The following OCLN variants were observed in gnomAD, a reference collection of about 807,000 sequenced individuals.
The protein encoded by OCLN is phosphatase 1, regulatory subunit 115.
OCLN carries 21 observed loss-of-function variants against 47.9 expected under a neutral mutation model. That is an observed-to-expected ratio of 0.44 (90% CI 0.31 to 0.63). OCLN has a LOEUF of 0.63. Among genes scored for constraint, OCLN ranks in the 30% least tolerant of loss-of-function variants. OCLN has a pLI of 0.08. For synonymous variants in OCLN, 117 were observed against 198.4 expected (o/e 0.59, Z 3.45); for missense variants, 360 against 571.0 (o/e 0.63, Z 3.77).
In OCLN at chr5:69,509,686, C is replaced by G. The variant is rs1444811507; in HGVS notation, c.596C>G (p.Pro199Arg). 6.2e-7 allele frequency: 1 copy of G among 1,614,010 alleles called. No homozygotes were observed. Among genetic ancestry groups the G allele is most frequent in the African/African-American group, 1.3e-5 (1 of 74,926 alleles). The change falls in exon 3 of 9, where the codon CCA becomes CGA. Residue 199 changes from proline (P) to arginine (R), a missense_variant. Pro to Arg is a moderately radical substitution (Grantham distance 103). This residue lies in a region of OCLN where 314 missense variants were observed against 368.1 expected (regional missense o/e 0.85). Transcript: ENST00000396442. The stretch of plus-strand genomic sequence containing the variant: ...ATTGTCTATATAATGGGAGTGAACC[C>G]AACTGCTCAGTCTTCTGGATCTCTA... ...ATIVYIMGVN[P>R]TAQSSGSLYG...
chr5:69,507,947 A>G (rs1444234057), intron 2 of OCLN, among the ~76,000 whole-genome samples: 1 of 152,218 alleles, frequency 6.6e-6, no homozygotes, highest in Non-Finnish European at 1.5e-5. Context: ...TTAATCTTGT[A>G]TATCTAAAAC....
At chr5:69,529,608 G>A (rs1343618501) in intron 4 of OCLN, among the ~76,000 whole-genome samples, 1 of 151,836 alleles carries the variant, frequency 6.6e-6, no homozygotes, top group Non-Finnish European at 1.5e-5. Flanking sequence ...GAGTTACTTT[G>A]TTGTTTTTTT....
intron 5 of OCLN, among the ~76,000 whole-genome samples, chr5:69,535,846 C>T (rs1396750407): frequency 1.3e-5 from 2 of 152,090 alleles, no homozygotes; most frequent in Non-Finnish European, 1.5e-5. Context: ...TACATCTTGG[C>T]GGGGGCGGTG....
intron 4 of OCLN, among the ~76,000 whole-genome samples, chr5:69,526,864 C>T (rs1769294468): frequency 6.6e-6 from 1 of 152,142 alleles, no homozygotes; most frequent in South Asian, 2.1e-4. Context: ...TATGAATATC[C>T]GTGAATGGGG....
At chr5:69,549,997 A>ATCC in intron 7 of OCLN, among the ~76,000 whole-genome samples, 1 of 149,356 alleles carries the variant, frequency 6.7e-6, no homozygotes, top group South Asian at 2.1e-4. Context: ...TTTTATATCA[A>ATCC]TAATAAAGAC....
At chr5:69,494,967 A>G (rs1437118603) in intron 1 of OCLN, among the ~76,000 whole-genome samples, 1 of 152,180 alleles carries the variant, frequency 6.6e-6, no homozygotes, top group Non-Finnish European at 1.5e-5. Flanking sequence ...ACCATTGACT[A>G]GTAACTGTAG....
At chr5:69,511,882 G>A (rs1354049435) in intron 3 of OCLN, among the ~76,000 whole-genome samples, 1 of 151,996 alleles carries the variant, frequency 6.6e-6, no homozygotes, top group African/African-American at 2.4e-5. Flanking sequence ...AAAATTACCT[G>A]GACACGGTGG....
intron 4 of OCLN, among the ~76,000 whole-genome samples, chr5:69,533,174 C>G (rs1769494824): frequency 6.6e-6 from 1 of 151,042 alleles, no homozygotes; most frequent in Non-Finnish European, 1.5e-5. Context: ...GTTGGCTGTG[C>G]TTTTTATGTT....
At position 69,493,656 on chromosome 5, in the gene OCLN, G is replaced by A. The variant is rs1254097090; in HGVS notation, c.-69+756G>A. Among the ~76,000 whole-genome samples the A allele has an allele frequency of 6.6e-6, 1 of 152,158 alleles. No individual in the cohort carries two copies. The highest frequency in any genetic ancestry group is 1.5e-5 in the Non-Finnish European group (1 of 68,008). ...GGGGGCGGAACTGCCTCCGGGCGGT[G>A]CCTGCCCGGCGAACGTGGGCGCGCG... On this transcript the variant is annotated intron_variant, in intron 1 of 8. Coordinates refer to ENST00000396442, the MANE Select transcript of OCLN (RefSeq NM_001205254.2). The surrounding 1 kb of genome is among the most constrained non-coding windows in gnomAD (Gnocchi z 5.3).
intron 4 of OCLN, among the ~76,000 whole-genome samples, chr5:69,517,316 T>TATATA (rs1561341135): frequency 1.8e-4 from 6 of 33,044 alleles, no homozygotes; most frequent in Admixed American, 1.1e-3. Flanking sequence ...ATATATATAT[T>TATATA]TTTTTTTTTT....
chr5:69,536,586 A>G (rs1769592178), intron 5 of OCLN, among the ~76,000 whole-genome samples: 1 of 140,454 alleles, frequency 7.1e-6, no homozygotes, highest in African/African-American at 2.7e-5. Flanking sequence ...CAGGAGAATC[A>G]CTTGAACCTG....
intron 4 of OCLN, among the ~76,000 whole-genome samples, chr5:69,521,131 C>A (rs1769127260): frequency 6.6e-6 from 1 of 152,198 alleles, no homozygotes; most frequent in Admixed American, 6.5e-5. Context: ...GCCACCGTGC[C>A]TAGCCAATTT....
At chr5:69,501,909 G>C (rs1416478962) in intron 1 of OCLN, among the ~76,000 whole-genome samples, 1 of 151,784 alleles carries the variant, frequency 6.6e-6, no homozygotes, top group East Asian at 1.9e-4. Flanking sequence ...ATAGAAGAGA[G>C]TTGCCAGGTG....
intron 4 of OCLN, among the ~76,000 whole-genome samples, chr5:69,526,123 C>G (rs1769271689): frequency 6.6e-6 from 1 of 152,136 alleles, no homozygotes. Flanking sequence ...AACAGAATCA[C>G]CTGGAGGGCT....
intron 4 of OCLN, among the ~76,000 whole-genome samples, chr5:69,530,326 T>G (rs1313817912): frequency 1.6e-4 from 25 of 152,230 alleles, no homozygotes; most frequent in Admixed American, 1.6e-3. Context: ...TAATAGGAAA[T>G]ACAGGTTGGG....
intron 1 of OCLN, among the ~76,000 whole-genome samples, chr5:69,501,210 C>T (rs1327004487): frequency 6.6e-6 from 1 of 152,248 alleles, no homozygotes; most frequent in African/African-American, 2.4e-5. Context: ...GCCACCTCAC[C>T]TGGCCTAAAT....
At chr5:69,512,045 A>AT (rs1768805416) in intron 3 of OCLN, among the ~76,000 whole-genome samples, 1 of 151,564 alleles carries the variant, frequency 6.6e-6, no homozygotes, top group Non-Finnish European at 1.5e-5. Context: ...AAAAAAAAAA[A>AT]TTTTTAGTTT....
rs532688581 is a variant in OCLN at position 69,514,345 on chromosome 5, G to T, written c.891+236G>T. Among the ~76,000 whole-genome samples, 3 of 151,962 alleles carry T rather than the reference G, an allele frequency of 2.0e-5. No homozygotes were observed. The East Asian group carries it at 5.8e-4, about 29-fold the overall frequency. On this transcript the variant is annotated intron_variant, in intron 4 of 8. Coordinates refer to ENST00000396442, the MANE Select transcript of OCLN (RefSeq NM_001205254.2). ...TGAATCTTGGTTTTGAAAAGAAATG[G>T]CTTCTAAAAAAATCATGCAGAAAGA...
Position 69,515,771 on chromosome 5 carries a change from C to T in OCLN, c.891+1662C>T, listed in dbSNP as rs1265442516. 4.1e-4 allele frequency among the ~76,000 whole-genome samples: 62 copies of T among 150,868 alleles called. 1 individual carries two copies. Among genetic ancestry groups the T allele is most frequent in the Admixed American group, 3.5e-3 (54 of 15,232 alleles). ...GGTTGCCAGGCGGAGGGTCTCCTCA[C>T]TTCTCAGACGGGGCGGCTGGGCAGA... On this transcript the variant is annotated intron_variant, in intron 4 of 8. Transcript: ENST00000396442.
Sources: allele counts gnomAD v4.1 joint callset (sites outside exome capture counted in the v4.1 genomes callset), GRCh38; gene constraint gnomAD v4.1.1; regional missense constraint gnomAD v4.1.1; non-coding constraint Gnocchi (gnomAD v3.1); transcripts MANE v1.5; gene names NCBI Gene and HGNC (gene_info 2026-07-23, HGNC 2026-07-21).